The following DNAH10 variants were observed in gnomAD, a reference collection of about 807,000 sequenced individuals.
The protein encoded by DNAH10 is dynein axonemal heavy chain 10.
In DNAH10, 348 loss-of-function variants were observed where a neutral mutation model predicts 506.6. That is an observed-to-expected ratio of 0.69 (90% CI 0.63 to 0.75). The LOEUF is 0.75. Ranked by LOEUF, DNAH10 falls within the 30% of genes least tolerant of loss-of-function variation. The pLI is 0.00. For synonymous variants in DNAH10, 2,059 were observed against 2,198.6 expected (o/e 0.94, Z 1.78); for missense variants, 5,179 against 5,787.1 (o/e 0.89, Z 3.41).
chr12:123,924,095 G>A, intron 66 of DNAH10, 183 bp from the exon 67 acceptor site: 22 of 830,002 alleles, frequency 2.7e-5, no homozygotes, highest in Non-Finnish European at 4.0e-5. Flanking sequence ...CTGGAAGCTG[G>A]ATGCTGCACT....
At position 123,835,503 on chromosome 12, in the gene DNAH10, A is replaced by T; in HGVS notation, c.4877A>T (p.Asp1626Val). 6.2e-7 allele frequency: 1 copy of T among 1,608,376 alleles called. No homozygotes were observed. Among genetic ancestry groups the T allele is most frequent in the Non-Finnish European group, 8.5e-7 (1 of 1,177,086 alleles). Residue 1626 changes from aspartate (D) to valine (V), a missense_variant, in exon 28 of 79, where the codon GAC becomes GTC. Asp to Val is a radical substitution (Grantham distance 152). Around this residue, in one of 3 missense-constraint regions of DNAH10, gnomAD observed 4,844 missense variants for 5,430.5 expected, o/e 0.89. Transcript: ENST00000673944. ...SQLPEEAKKF[D>V]NIDKVFKRIM... ...CTTCCGGAAGAGGCAAAAAAGTTTGACAACATCGATAAAGTATTTAAAAGG... is the reference window on the plus strand; with the variant it reads ...CTTCCGGAAGAGGCAAAAAAGTTTGTCAACATCGATAAAGTATTTAAAAGG...
chr12:123,768,360 C>G (rs375545722), intron 2 of DNAH10, among the ~76,000 whole-genome samples: 2 of 152,156 alleles, frequency 1.3e-5, no homozygotes, highest in African/African-American at 4.8e-5. Context: ...GTCTTGAACT[C>G]CCGTCCTCAG....
Position 123,762,601 on chromosome 12 carries a change from C to A in DNAH10, c.214+51C>A. ...CCCCGGGCTTCCCTCCTGCCCGTCC[C>A]GGCCTCTCCGGCGGGCGCCGGGGCT... is the stretch of plus-strand genomic sequence containing the variant. On this transcript the variant is annotated intron_variant, in intron 1 of 78. Transcript: ENST00000673944. The surrounding 1 kb of genome is among the most constrained non-coding windows in gnomAD (Gnocchi z 5.0). 1 of 1,498,242 alleles carries A rather than the reference C, an allele frequency of 6.7e-7. No homozygotes were observed. The highest frequency in any genetic ancestry group is 8.9e-7 in the Non-Finnish European group (1 of 1,121,120). 92.8% of individuals were successfully genotyped at this position (1,498,242 alleles called of 1,614,324 possible). A position where few individuals can be genotyped will look rare whatever the true frequency, so the allele number is the denominator to read the frequency against.
At chr12:123,868,799 C>T (rs1300828895) in intron 43 of DNAH10, among the ~76,000 whole-genome samples, 6 of 152,306 alleles carry the variant, frequency 3.9e-5, no homozygotes, top group South Asian at 2.1e-4. Context: ...AAATGGCCTC[C>T]GGTCTTTCTA....
chr12:123,904,274 G>A (rs1217880666), intron 57 of DNAH10, among the ~76,000 whole-genome samples: 1 of 152,114 alleles, frequency 6.6e-6, no homozygotes, highest in Non-Finnish European at 1.5e-5. Context: ...TCAGCACTAG[G>A]CGTTGGAAGT....
intron 16 of DNAH10, among the ~76,000 whole-genome samples, chr12:123,802,103 G>A (rs1565920726): frequency 6.6e-6 from 1 of 152,104 alleles, no homozygotes; most frequent in Non-Finnish European, 1.5e-5. Flanking sequence ...CATACCCCAC[G>A]GTATCAATGT....
chr12:123,767,796 AT>A, intron 2 of DNAH10, 107 bp downstream of exon 2: 1 of 914,082 alleles, frequency 1.1e-6, no homozygotes, highest in South Asian at 1.4e-5. Context: ...TTCACTGGGT[AT>A]GAACCACAAA....
chr12:123,797,942 C>T (rs1051072323), intron 13 of DNAH10, among the ~76,000 whole-genome samples: 7 of 152,216 alleles, frequency 4.6e-5, no homozygotes, highest in East Asian at 1.9e-4. Context: ...CTCAACCTGT[C>T]GTTGCTGCAA....
At chr12:123,773,013 AT>A in intron 4 of DNAH10, 71 bp downstream of exon 4, 1 of 1,034,734 alleles carries the variant, frequency 9.7e-7, no homozygotes, top group East Asian at 2.4e-5. Context: ...GTTCACTCTC[AT>A]TCTGTTGTCT....
chr12:123,853,462 CTTAG>C lies in DNAH10; in HGVS notation c.6438+111_6438+114del. 7.4e-7 allele frequency: 1 copy of C among 1,353,144 alleles called. No individual in the cohort carries two copies. Among genetic ancestry groups the C allele is most frequent in the Non-Finnish European group, 9.7e-7 (1 of 1,027,236 alleles). 83.8% of individuals were successfully genotyped at this position (1,353,144 alleles called of 1,614,324 possible). On this transcript the variant is annotated intron_variant, in intron 36 of 78. Transcript: ENST00000673944. This position sits in a 1 kb window ranked among gnomAD's most constrained non-coding sequence, Gnocchi z 4.7. ...ATGGTATCACCTGAAAGGTTTAAGT[CTTAG>C]CTGCCTCTTCACCCCGCGGTCTGGC...
chr12:123,838,686 C>A lies in DNAH10; in HGVS notation c.5133C>A (p.Ile1711=), dbSNP rs1369490996. 1 of 1,613,184 alleles carries A rather than the reference C, an allele frequency of 6.2e-7. No individual in the cohort carries two copies. The highest frequency in any genetic ancestry group is 8.5e-7 in the Non-Finnish European group (1 of 1,179,650). ...CACTCTGCGTCCAGGAGCACATGAT[C>A]AAGGTCAGCCCTCTGGGTGTGCAGG... ...SDPLCVQEHM[I]KMYDNIASLR... The change falls in exon 29 of 79, where the codon ATC becomes ATA. Residue 1711 remains isoleucine, a synonymous_variant. Transcript: ENST00000673944.
Position 123,857,171 on chromosome 12 carries a change from G to A in DNAH10, c.6554G>A (p.Arg2185His), listed in dbSNP as rs1194908790. ...SDLFPGLDCP[R>H]VRYPDFNDAV... ...CTGTTTCCTGGGCTGGACTGCCCTC[G>A]CGTCCGCTACCCTGACTTCAACGAT... The change falls in exon 37 of 79, where the codon CGC becomes CAC. Residue 2185 changes from arginine (R) to histidine (H), a missense_variant. Physicochemically the swap from Arg to His is conservative, Grantham distance 29. Coordinates refer to ENST00000673944, the MANE Select transcript of DNAH10 (RefSeq NM_001372106.1). 15 of 1,609,020 alleles carry A rather than the reference G, an allele frequency of 9.3e-6. No homozygotes were observed. Among genetic ancestry groups the A allele is most frequent in the South Asian group, 4.4e-5 (4 of 89,964 alleles).
chr12:123,794,035 C>T lies in DNAH10; in HGVS notation c.1909C>T (p.His637Tyr), dbSNP rs897142923. 1.3e-5 allele frequency: 17 copies of T among 1,286,760 alleles called. No homozygotes were observed. The highest frequency in any genetic ancestry group is 3.0e-5 in the African/African-American group (2 of 65,822). 79.7% of individuals were successfully genotyped at this position (1,286,760 alleles called of 1,614,324 possible). The change falls in exon 12 of 79, where the codon CAC becomes TAC. Residue 637 changes from histidine to tyrosine, a missense_variant. Around this residue, in one of 3 missense-constraint regions of DNAH10, gnomAD observed 4,844 missense variants for 5,430.5 expected, o/e 0.89. Coordinates refer to ENST00000673944, the MANE Select transcript of DNAH10 (RefSeq NM_001372106.1). Reference sequence around the variant, plus strand: ...ATTTGACATGCTTTTAAAATTTAAGCACATTCGTTCACGGGAGGCTGTTAA... The same window carrying T: ...ATTTGACATGCTTTTAAAATTTAAGTACATTCGTTCACGGGAGGCTGTTAA... ...AAFDMLLKFK[H>Y]IRSREAVNRQ...
chr12:123,773,086 T>TA (rs1957318432), intron 4 of DNAH10, 144 bp downstream of exon 4: 1 of 548,276 alleles, frequency 1.8e-6, no homozygotes, highest in Non-Finnish European at 3.2e-6. Context: ...ACTGGGTTCT[T>TA]ACGTAGTCTT....
Position 123,898,646 on chromosome 12 carries a change from T to C in DNAH10, c.9479-7T>C. ...CGACGATGAACATAGGTGCCCTCTT[T>C]CCTCAGCTCAGTGCAAGCGTCTGGA... is the stretch of plus-strand genomic sequence containing the variant. On this transcript the variant is annotated splice_polypyrimidine_tract_variant and splice_region_variant and intron_variant, in intron 55 of 78. Transcript: ENST00000673944. 6.5e-7 allele frequency: 1 copy of C among 1,527,918 alleles called. No homozygotes were observed. Among genetic ancestry groups the C allele is most frequent in the Non-Finnish European group, 8.8e-7 (1 of 1,134,932 alleles). 94.6% of individuals were successfully genotyped at this position (1,527,918 alleles called of 1,614,324 possible).
At chr12:123,775,449 G>C (rs888632327) in intron 5 of DNAH10, among the ~76,000 whole-genome samples, 1 of 152,196 alleles carries the variant, frequency 6.6e-6, no homozygotes, top group Non-Finnish European at 1.5e-5. Flanking sequence ...TCATCAGCAG[G>C]CCTTTTTCAT....
chr12:123,898,465 G>A (rs1174460057), intron 55 of DNAH10, among the ~76,000 whole-genome samples, 188 bp from the exon 56 acceptor site: 1 of 152,250 alleles, frequency 6.6e-6, no homozygotes, highest in Non-Finnish European at 1.5e-5. Context: ...GGGAAGCACT[G>A]TCTTCAGAAA....
In DNAH10 at chr12:123,775,136, G is replaced by A. The variant is rs190949172; in HGVS notation, c.621+872G>A. On this transcript the variant is annotated intron_variant, in intron 5 of 78. Transcript: ENST00000673944. ...TTCTTTTTTATTTTTATTGTTTTTC[G>A]AGACAGGGTCTCTCCGCCATCCAGT... Among the ~76,000 whole-genome samples the A allele has an allele frequency of 9.2e-5, 14 of 152,196 alleles. No homozygotes were observed. In the East Asian group the frequency reaches 1.5e-3, roughly 17 times the overall value.
At chr12:123,849,171 G>T (rs759829654) in intron 34 of DNAH10, among the ~76,000 whole-genome samples, 7 of 152,210 alleles carry the variant, frequency 4.6e-5, no homozygotes, top group Non-Finnish European at 8.8e-5. Context: ...GGGTCCCCTA[G>T]AAAGGAAACA....
Sources: allele counts gnomAD v4.1 joint callset (sites outside exome capture counted in the v4.1 genomes callset), GRCh38; gene constraint gnomAD v4.1.1; regional missense constraint gnomAD v4.1.1; non-coding constraint Gnocchi (gnomAD v3.1); transcripts MANE v1.5; gene names NCBI Gene and HGNC (gene_info 2026-07-23, HGNC 2026-07-21).